RALGPS1: variants seen among roughly 807,000 people sequenced by gnomAD.
RALGPS1 encodes the protein ras-specific guanine nucleotide-releasing factor RalGPS1.
In RALGPS1, 19 loss-of-function variants were observed where a neutral mutation model predicts 78.8. The observed-to-expected ratio is 0.24, with a 90% CI of 0.17 to 0.35. The LOEUF (loss-of-function observed/expected upper bound fraction) is 0.35, where lower values mean the gene tolerates loss of function less well. Among genes scored for constraint, RALGPS1 ranks in the 10% least tolerant of loss-of-function variants. The probability of loss-of-function intolerance (pLI) is 1.00; values close to 1 mark genes in which losing one functional copy is unlikely to be tolerated. For missense variants in RALGPS1, 454 were observed against 688.3 expected, an observed-to-expected ratio of 0.66 and a Z score of 3.81; for synonymous variants, 228 against 256.3, an observed-to-expected ratio of 0.89 and a Z score of 1.06.
rs968241131 is a variant in RALGPS1, at chr9:127,050,245, C to T, written c.390+113C>T. 13 of 901,322 alleles carry T rather than the reference C, an allele frequency of 1.4e-5. No homozygotes were observed. In the Admixed American group the frequency reaches 2.4e-4, roughly 17 times the overall value. 55.8% of individuals were successfully genotyped at this position (901,322 alleles called of 1,614,324 possible). A position where few individuals can be genotyped will look rare whatever the true frequency, so the allele number is the denominator to read the frequency against. Reference sequence around the variant, plus strand: ...GCTGCTTTGCTGTGGGCCTGCCAGGCACAGTTCAAACAGGGTGCTGTGGCT... The same window carrying T: ...GCTGCTTTGCTGTGGGCCTGCCAGGTACAGTTCAAACAGGGTGCTGTGGCT... On this transcript the variant is annotated intron_variant, in intron 6 of 18. Transcript: ENST00000259351.
At chr9:127,189,825 G>A (rs561209529) in intron 11 of RALGPS1, among the ~76,000 whole-genome samples, 2 of 152,236 alleles carry the variant, frequency 1.3e-5, no homozygotes, top group Non-Finnish European at 1.5e-5. Flanking sequence ...GGGCCAGGGA[G>A]CCTACTGACC....
chr9:127,076,553 T>C (rs2050696475), intron 8 of RALGPS1, among the ~76,000 whole-genome samples: 1 of 152,236 alleles, frequency 6.6e-6, no homozygotes, highest in South Asian at 2.1e-4. Flanking sequence ...TTTGCAAATA[T>C]AAATTCTAAA....
Position 127,211,805 on chromosome 9 carries a change from C to T in RALGPS1, c.1248-326C>T, listed in dbSNP as rs552472327. 2.0e-5 allele frequency among the ~76,000 whole-genome samples: 3 copies of T among 152,258 alleles called. No homozygotes were observed. The highest frequency in any genetic ancestry group is 1.9e-4 in the East Asian group (1 of 5,166). ...AGCTCCTCAGGTGTGGAGGAGCCCA[C>T]GCCAGCCCCAGGGAGCGGCCAGGCT... On this transcript the variant is annotated intron_variant, in intron 14 of 18. Transcript: ENST00000259351. This position sits in a 1 kb window ranked among gnomAD's most constrained non-coding sequence, Gnocchi z 5.0.
chr9:127,161,651 A>G (rs1228567720), intron 8 of RALGPS1, among the ~76,000 whole-genome samples: 1 of 152,202 alleles, frequency 6.6e-6, no homozygotes, highest in African/African-American at 2.4e-5. Context: ...GCCACAGTAG[A>G]GTCATGAGCC....
intron 8 of RALGPS1, 97 bp from the exon 9 acceptor site, chr9:127,165,972 C>A: frequency 1.4e-6 from 2 of 1,431,348 alleles, no homozygotes; most frequent in Non-Finnish European, 1.8e-6. Flanking sequence ...CCATAAGTCA[C>A]CCTTTATATT....
chr9:126,984,510 C>T (rs1029134814), intron 4 of RALGPS1, among the ~76,000 whole-genome samples: 3 of 152,194 alleles, frequency 2.0e-5, no homozygotes, highest in African/African-American at 7.2e-5. Flanking sequence ...GCAGGTGGTG[C>T]CCCACTTACC....
intron 5 of RALGPS1, among the ~76,000 whole-genome samples, chr9:127,045,730 TACACACACACAC>T (rs60442898): frequency 1.3e-4 from 19 of 141,496 alleles, no homozygotes; most frequent in Admixed American, 3.5e-4. Context: ...CATGGGTTAG[TACACACACACAC>T]ACACACACAC....
intron 4 of RALGPS1, among the ~76,000 whole-genome samples, chr9:126,986,678 G>A (rs2041832079): frequency 6.6e-6 from 1 of 152,232 alleles, no homozygotes; most frequent in Non-Finnish European, 1.5e-5. Context: ...GCATCAAGGG[G>A]AAACTGCTGT....
rs1296142108 is a variant in RALGPS1 at position 127,218,766 on chromosome 9, G to A, written c.1671G>A (p.Glu557=). The change falls in exon 19 of 19, where the codon GAG becomes GAA. Residue 557 remains glutamate (E), a synonymous_variant. Coordinates refer to ENST00000259351, the MANE Select transcript of RALGPS1 (RefSeq NM_014636.3). The surrounding 1 kb of genome is among the most constrained non-coding windows in gnomAD (Gnocchi z 4.4). ...TACCTGCAAACCTTATGTCATTTGA[G>A]TAAGTCTCTGCAGGACGTGGCATGA... ...PQVPANLMSF[E] 1.2e-6 allele frequency: 2 copies of A among 1,613,964 alleles called. No individual in the cohort carries two copies. The highest frequency in any genetic ancestry group is 1.7e-5 in the Admixed American group (1 of 60,010).
At chr9:127,195,266 A>G (rs1343704139) in intron 12 of RALGPS1, 49 bp downstream of exon 12, 4 of 1,596,322 alleles carry the variant, frequency 2.5e-6, no homozygotes, top group East Asian at 2.2e-5. Context: ...CGTCCTGCAC[A>G]TGGGCCTGGG....
chr9:127,171,180 GA>G (rs1387070269), intron 10 of RALGPS1, among the ~76,000 whole-genome samples: 8 of 152,040 alleles, frequency 5.3e-5, no homozygotes, highest in African/African-American at 1.9e-4. Flanking sequence ...CCATTACCTA[GA>G]AAGCATGACC....
chr9:127,128,481 T>C (rs1470787302), intron 8 of RALGPS1, among the ~76,000 whole-genome samples: 1 of 152,216 alleles, frequency 6.6e-6, no homozygotes, highest in Admixed American at 6.5e-5. Flanking sequence ...GCAGTTTTAG[T>C]CATCAAGGCC....
chr9:126,924,726 C>T (rs527862504), intron 1 of RALGPS1, among the ~76,000 whole-genome samples: 26 of 152,320 alleles, frequency 1.7e-4, no homozygotes, highest in Non-Finnish European at 2.6e-4. Context: ...CCCTGTCCTC[C>T]GTAACTACTT....
At chr9:127,051,148 C>G (rs1265583615) in intron 6 of RALGPS1, among the ~76,000 whole-genome samples, 1 of 152,200 alleles carries the variant, frequency 6.6e-6, no homozygotes, top group African/African-American at 2.4e-5. Flanking sequence ...ACATTTACTT[C>G]CTATGCATTC....
At chr9:126,918,673 ATTT>A (rs74944435) in intron 1 of RALGPS1, among the ~76,000 whole-genome samples, 1 of 132,600 alleles carries the variant, frequency 7.5e-6, no homozygotes, top group African/African-American at 2.8e-5. Flanking sequence ...TCACACATGG[ATTT>A]TTTTTTTTTT....
At chr9:127,215,157 T>TA (rs1191905298) in intron 18 of RALGPS1, among the ~76,000 whole-genome samples, 3 of 152,186 alleles carry the variant, frequency 2.0e-5, no homozygotes, top group African/African-American at 7.2e-5. Flanking sequence ...TAGCATCTAT[T>TA]TAGGTCATCC....
In RALGPS1 at chr9:126,981,068, A is replaced by G. The variant is rs558101729; in HGVS notation, c.216+3323A>G. Among the ~76,000 whole-genome samples, 62 of 152,246 alleles carry G rather than the reference A, an allele frequency of 4.1e-4. 1 individual carries two copies. The highest frequency in any genetic ancestry group is 1.6e-3 in the Admixed American group (24 of 15,284). ...CCCTGGCTCAGGTTTCTGCTTTCCC[A>G]TCATGCTGTTTGCCAACTCTGTGCT... On this transcript the variant is annotated intron_variant, in intron 4 of 18. Transcript: ENST00000259351.
intron 4 of RALGPS1, among the ~76,000 whole-genome samples, chr9:126,987,332 G>T (rs74595186): frequency 6.6e-6 from 1 of 152,312 alleles, no homozygotes; most frequent in East Asian, 1.9e-4. Context: ...TCTCTTATTG[G>T]TGATTTGGGG....
chr9:127,084,378 C>T (rs747871762), intron 8 of RALGPS1, among the ~76,000 whole-genome samples: 24 of 152,172 alleles, frequency 1.6e-4, no homozygotes, highest in Admixed American at 2.6e-4. Flanking sequence ...GTGCTCCCTC[C>T]CTGGAGTAAT....
Sources: allele counts gnomAD v4.1 joint callset (sites outside exome capture counted in the v4.1 genomes callset), GRCh38; gene constraint gnomAD v4.1.1; non-coding constraint Gnocchi (gnomAD v3.1); transcripts MANE v1.5; gene names NCBI Gene and HGNC (gene_info 2026-07-23, HGNC 2026-07-21).